Variants in BCAS3 observed in about 807,000 individuals in gnomAD.
The protein encoded by BCAS3 is BCAS3 microtubule associated cell migration factor.
In BCAS3, 53 loss-of-function variants were observed where a neutral mutation model predicts 116.1. The ratio of observed to expected loss-of-function variants is 0.46; its 90% CI spans 0.37 to 0.57. The LOEUF (loss-of-function observed/expected upper bound fraction) is 0.57, where lower values mean the gene tolerates loss of function less well. Among genes scored for constraint, BCAS3 ranks in the 20% least tolerant of loss-of-function variants. The pLI is 0.00. For missense variants in BCAS3, 917 were observed against 1,165.4 expected, an observed-to-expected ratio of 0.79 and a Z score of 3.10; for synonymous variants, 391 against 408.2, an observed-to-expected ratio of 0.96 and a Z score of 0.51.
Position 61,144,409 on chromosome 17 carries a change from T to G in BCAS3, c.2425+59845T>G, listed in dbSNP as rs558391322. On this transcript the variant is annotated intron_variant, in intron 22 of 23. Transcript: ENST00000407086. The surrounding 1 kb of genome is among the most constrained non-coding windows in gnomAD (Gnocchi z 5.0). The stretch of plus-strand genomic sequence containing the variant: ...AGACAATCACACAGATGTTTTCTTA[T>G]GCTATATATAGGAATTAAGCAAGTG... 2.6e-5 allele frequency among the ~76,000 whole-genome samples: 4 copies of G among 152,368 alleles called. No homozygotes were observed. Among genetic ancestry groups the G allele is most frequent in the Non-Finnish European group, 5.9e-5 (4 of 68,036 alleles).
intron 16 of BCAS3, among the ~76,000 whole-genome samples, chr17:61,018,672 C>G (rs1449707214): frequency 6.6e-6 from 1 of 152,064 alleles, no homozygotes; most frequent in Non-Finnish European, 1.5e-5. Flanking sequence ...TAAACACTAA[C>G]ACGTCATTCA....
At position 61,387,272 on chromosome 17, in the gene BCAS3, G is replaced by A. The variant is rs2059904411; in HGVS notation, c.2594-4705G>A. Among the ~76,000 whole-genome samples, 2 of 152,208 alleles carry A rather than the reference G, an allele frequency of 1.3e-5. No homozygotes were observed. Among genetic ancestry groups the A allele is most frequent in the African/African-American group, 4.8e-5 (2 of 41,452 alleles). On this transcript the variant is annotated intron_variant, in intron 23 of 23. Coordinates refer to ENST00000407086, the MANE Select transcript of BCAS3 (RefSeq NM_017679.5). The surrounding 1 kb of genome is among the most constrained non-coding windows in gnomAD (Gnocchi z 6.2). ...GCCCATGCTGCACGGCCCAGCTCAGGAGTAGGACAAGGTGTGGGCAGCCAT... is the reference window on the plus strand; with the variant it reads ...GCCCATGCTGCACGGCCCAGCTCAGAAGTAGGACAAGGTGTGGGCAGCCAT...
chr17:60,984,504 T>G (rs2063001935), intron 14 of BCAS3, among the ~76,000 whole-genome samples: 1 of 152,158 alleles, frequency 6.6e-6, no homozygotes, highest in African/African-American at 2.4e-5. Context: ...TTTTTGTGGG[T>G]ACATAGTAGT....
chr17:61,338,475 T>C (rs980830076), intron 22 of BCAS3, among the ~76,000 whole-genome samples: 2 of 152,166 alleles, frequency 1.3e-5, no homozygotes, highest in African/African-American at 4.8e-5. Flanking sequence ...CCTGTTTTAT[T>C]GTGTTTGAAG....
chr17:61,015,810 C>T lies in BCAS3; in HGVS notation c.1546C>T (p.Arg516Trp), dbSNP rs373112749. 1.7e-5 allele frequency: 27 copies of T among 1,613,866 alleles called. No individual in the cohort carries two copies. Among genetic ancestry groups the T allele is most frequent in the Admixed American group, 3.3e-5 (2 of 59,988 alleles). ...NFTNNNPGNP[R>W]LSPLPSLMVV... ...TACCAACAACAACCCTGGCAACCCT[C>T]GGCTCTCTCCTCTTCCCAGCTTGAT... The change falls in exon 16 of 24, where the codon CGG becomes TGG. Residue 516 changes from arginine to tryptophan, a missense_variant. Arg to Trp is a moderately radical substitution (Grantham distance 101). Transcript: ENST00000407086.
At chr17:61,238,760 C>G (rs776020566) in intron 22 of BCAS3, among the ~76,000 whole-genome samples, 1 of 152,054 alleles carries the variant, frequency 6.6e-6, no homozygotes, top group Non-Finnish European at 1.5e-5. Flanking sequence ...GTCTTGTTTT[C>G]TTTCCTGTCC....
At chr17:61,103,115 A>G (rs1231318921) in intron 22 of BCAS3, among the ~76,000 whole-genome samples, 1 of 152,166 alleles carries the variant, frequency 6.6e-6, no homozygotes, top group African/African-American at 2.4e-5. Context: ...CTGATATTTC[A>G]GACAAGAATC....
At position 61,095,204 on chromosome 17, in the gene BCAS3, C is replaced by T. The variant is rs2073888604; in HGVS notation, c.2425+10640C>T. On this transcript the variant is annotated intron_variant, in intron 22 of 23. Transcript: ENST00000407086. The surrounding 1 kb of genome is among the most constrained non-coding windows in gnomAD (Gnocchi z 4.7). ...ACCAACTTTTCTTCGTGTACGTCAA[C>T]CAAAACAGCATATCAGAACAGATAG... 6.6e-6 allele frequency among the ~76,000 whole-genome samples: 1 copy of T among 152,106 alleles called. No homozygotes were observed. Among genetic ancestry groups the T allele is most frequent in the South Asian group, 2.1e-4 (1 of 4,830 alleles).
chr17:60,976,445 T>A (rs8076275), intron 14 of BCAS3, among the ~76,000 whole-genome samples: 3,031 of 134,168 alleles, frequency 0.023, 86 homozygotes, highest in African/African-American at 0.087. Context: ...ATATATATTT[T>A]TTTTTTAGTA....
At position 61,063,641 on chromosome 17, in the gene BCAS3, C is replaced by T. The variant is rs1568262719; in HGVS notation, c.2030-11279C>T. Reference sequence around the variant, plus strand: ...ATTAAAATTTCCATTGAAAGCTTTGCTGTAGTCTGCAGCTGATCTGGGTGC... The same window carrying T: ...ATTAAAATTTCCATTGAAAGCTTTGTTGTAGTCTGCAGCTGATCTGGGTGC... On this transcript the variant is annotated intron_variant, in intron 19 of 23. Coordinates refer to ENST00000407086, the MANE Select transcript of BCAS3 (RefSeq NM_017679.5). The surrounding 1 kb of genome is among the most constrained non-coding windows in gnomAD (Gnocchi z 5.3). 6.6e-6 allele frequency among the ~76,000 whole-genome samples: 1 copy of T among 152,128 alleles called. No homozygotes were observed. The highest frequency in any genetic ancestry group is 1.5e-5 in the Non-Finnish European group (1 of 68,020).
chr17:60,767,012 G>A (rs1229870239), intron 6 of BCAS3, among the ~76,000 whole-genome samples: 2 of 152,226 alleles, frequency 1.3e-5, no homozygotes, highest in African/African-American at 4.8e-5. Flanking sequence ...AGCCAGGCAC[G>A]GGATATAACC....
At chr17:61,382,429 T>A (rs1208920980) in intron 23 of BCAS3, among the ~76,000 whole-genome samples, 1 of 150,898 alleles carries the variant, frequency 6.6e-6, no homozygotes, top group Non-Finnish European at 1.5e-5. Context: ...CCCAGCTAAT[T>A]TTTTGCATTT....
rs562996763 is a variant in BCAS3, at chr17:61,228,193, T to C, written c.2426-140134T>C. 1.3e-5 allele frequency among the ~76,000 whole-genome samples: 2 copies of C among 152,322 alleles called. No individual in the cohort carries two copies. The highest frequency in any genetic ancestry group is 4.8e-5 in the African/African-American group (2 of 41,572). On this transcript the variant is annotated intron_variant, in intron 22 of 23. Coordinates refer to ENST00000407086, the MANE Select transcript of BCAS3 (RefSeq NM_017679.5). The surrounding 1 kb of genome is among the most constrained non-coding windows in gnomAD (Gnocchi z 5.0). ...ACAAGTACCTGGCTCTTAATTGAAG[T>C]CTTGAACAGTTTCAAAGATGGGAAA...
chr17:61,235,690 T>G lies in BCAS3; in HGVS notation c.2426-132637T>G, dbSNP rs1205483762. Among the ~76,000 whole-genome samples the G allele has an allele frequency of 1.3e-5, 1 of 79,598 alleles. No individual in the cohort carries two copies. The highest frequency in any genetic ancestry group is 3.7e-4 in the East Asian group (1 of 2,738). The allele number at this position is 79,598 out of a possible 152,430, so 52.2% of individuals were successfully genotyped here. A position where few individuals can be genotyped will look rare whatever the true frequency, so the allele number is the denominator to read the frequency against. ...TTGTTTGAACTTGGAAAGAAGACTT[T>G]TGAATTGTTTAAAAAAAAAAAAAAG... On this transcript the variant is annotated intron_variant, in intron 22 of 23. Transcript: ENST00000407086. The surrounding 1 kb of genome is among the most constrained non-coding windows in gnomAD (Gnocchi z 5.0).
chr17:61,024,605 C>G (rs1354073272), intron 16 of BCAS3, among the ~76,000 whole-genome samples: 2 of 151,278 alleles, frequency 1.3e-5, no homozygotes, highest in African/African-American at 2.4e-5. Flanking sequence ...GAGAAATCTC[C>G]TTTTGGCAAC....
At chr17:60,907,336 A>T (rs956967947) in intron 11 of BCAS3, among the ~76,000 whole-genome samples, 1 of 152,088 alleles carries the variant, frequency 6.6e-6, no homozygotes, top group South Asian at 2.1e-4. Context: ...TCTTATTTTC[A>T]TGTGTGTTAC....
intron 19 of BCAS3, among the ~76,000 whole-genome samples, chr17:61,074,492 G>A (rs1487688869): frequency 6.6e-6 from 1 of 152,146 alleles, no homozygotes; most frequent in Non-Finnish European, 1.5e-5. Flanking sequence ...GAAAGATGAT[G>A]TATTTCTCTG....
chr17:61,123,305 A>G (rs563218254), intron 22 of BCAS3, among the ~76,000 whole-genome samples: 1 of 152,086 alleles, frequency 6.6e-6, no homozygotes, highest in South Asian at 2.1e-4. Context: ...CATATATGTG[A>G]CCTGGTGCCC....
At chr17:60,819,237 C>T (rs1324141237) in intron 7 of BCAS3, among the ~76,000 whole-genome samples, 1 of 152,032 alleles carries the variant, frequency 6.6e-6, no homozygotes, top group Non-Finnish European at 1.5e-5. Context: ...AGGCAAAGGG[C>T]CCGGAACATT....
Sources: gnomAD v4.1 joint callset for allele counts (sites outside exome capture counted in the v4.1 genomes callset) on GRCh38, gnomAD v4.1.1 for gene constraint, Gnocchi (gnomAD v3.1) non-coding constraint, MANE v1.5 for transcripts, NCBI Gene and HGNC (gene_info 2026-07-23, HGNC 2026-07-21) for gene names.